Variants in C4orf51 observed in about 807,000 individuals in gnomAD.
C4orf51 encodes the protein uncharacterized protein C4orf51.
In C4orf51, 25 loss-of-function variants were observed where a neutral mutation model predicts 25.2. The ratio of observed to expected loss-of-function variants is 0.99; its 90% CI spans 0.72 to 1.39. The LOEUF (loss-of-function observed/expected upper bound fraction) is 1.39, where lower values mean the gene tolerates loss of function less well. Among genes scored for constraint, C4orf51 ranks in the 40% most tolerant of loss-of-function variants. The probability of loss-of-function intolerance (pLI) is 0.00; values close to 1 mark genes in which losing one functional copy is unlikely to be tolerated. For missense variants in C4orf51, 252 were observed against 239.6 expected, an observed-to-expected ratio of 1.05 and a Z score of -0.34; for synonymous variants, 100 against 84.5, an observed-to-expected ratio of 1.18 and a Z score of -1.01.
chr4:145,699,579 C>T (rs1212576952), intron 2 of C4orf51, among the ~76,000 whole-genome samples: 1 of 152,162 alleles, frequency 6.6e-6, no homozygotes, highest in African/African-American at 2.4e-5. Flanking sequence ...TATCCGTGGA[C>T]CCAAAACTCT....
intron 1 of C4orf51, among the ~76,000 whole-genome samples, chr4:145,694,709 G>A (rs1011998977): frequency 6.8e-5 from 10 of 146,134 alleles, no homozygotes; most frequent in Admixed American, 3.4e-4. Context: ...GCCTCTGCCC[G>A]GCCGCCCCTA....
chr4:145,771,617 A>G (rs1317971931), downstream of C4orf51, among the ~76,000 whole-genome samples: 1 of 152,248 alleles, frequency 6.6e-6, no homozygotes, highest in African/African-American at 2.4e-5. Context: ...AAAGAAGGTG[A>G]GGAGGGATCA....
downstream of C4orf51, among the ~76,000 whole-genome samples, chr4:145,736,039 C>T (rs1010564032): frequency 2.0e-5 from 3 of 152,004 alleles, no homozygotes; most frequent in African/African-American, 7.3e-5. Flanking sequence ...AGGCCCTCTC[C>T]TCCCCTAACC....
chr4:145,686,397 G>C (rs749652679), intron 1 of C4orf51, among the ~76,000 whole-genome samples: 1 of 152,074 alleles, frequency 6.6e-6, no homozygotes, highest in Non-Finnish European at 1.5e-5. Flanking sequence ...TAACTAAAAT[G>C]ATAAATTTTC....
chr4:145,717,511 G>C (rs377677332), intron 2 of C4orf51, among the ~76,000 whole-genome samples: 9 of 152,098 alleles, frequency 5.9e-5, no homozygotes, highest in African/African-American at 1.9e-4. Flanking sequence ...GTCAAATTTT[G>C]GACTATCAAC....
chr4:145,750,607 C>T (rs1213983104), intron 1 of C4orf51, among the ~76,000 whole-genome samples: 1 of 151,920 alleles, frequency 6.6e-6, no homozygotes, highest in Non-Finnish European at 1.5e-5. Flanking sequence ...TTTTTAAATG[C>T]GTTGAGGTAG....
In C4orf51 at chr4:145,718,838, C is replaced by T. The variant is rs571559845; in HGVS notation, c.308-8073C>T. The stretch of plus-strand genomic sequence containing the variant: ...TATTTCCCACCTCAGGACCTTTACA[C>T]GTGCTGTAATCTTTGCTGGAACACA... On this transcript the variant is annotated intron_variant, in intron 2 of 5. Transcript: ENST00000438731. 3.3e-5 allele frequency among the ~76,000 whole-genome samples: 5 copies of T among 152,208 alleles called. No individual in the cohort carries two copies. The East Asian group carries it at 7.7e-4, about 23-fold the overall frequency.
At chr4:145,781,228 G>GAAAAAAAAAAAAAAAAAAAA in the C4orf51 span, among the ~76,000 whole-genome samples, 1 of 99,684 alleles carries the variant, frequency 1.0e-5, no homozygotes, top group African/African-American at 3.7e-5. Flanking sequence ...GAAAAAAAAA[G>GAAAAAAAAAAAAAAAAAAAA]AAAAAAAAAA....
Position 145,765,370 on chromosome 4 carries a change from C to T in C4orf51, n.167-5618C>T, listed in dbSNP as rs988822503. 6.6e-6 allele frequency among the ~76,000 whole-genome samples: 1 copy of T among 152,194 alleles called. No homozygotes were observed. Among genetic ancestry groups the T allele is most frequent in the African/African-American group, 2.4e-5 (1 of 41,432 alleles). ...CAATGTCACCCTCCCCATCCTTCCA[C>T]CCCATACTCGGATTCAAATTAAGCC... On this transcript the variant is annotated intron_variant and non_coding_transcript_variant, in intron 1 of 1. Coordinates refer to the C4orf51 transcript ENST00000510096. This position sits in a 1 kb window ranked among gnomAD's most constrained non-coding sequence, Gnocchi z 4.7.
At chr4:145,788,603 C>T in the C4orf51 span, among the ~76,000 whole-genome samples, 1 of 152,134 alleles carries the variant, frequency 6.6e-6, no homozygotes, top group Non-Finnish European at 1.5e-5. Flanking sequence ...AATCACATCA[C>T]CAAGATCAGG....
chr4:145,716,989 G>A (rs1731452667), intron 2 of C4orf51, among the ~76,000 whole-genome samples: 1 of 152,232 alleles, frequency 6.6e-6, no homozygotes, highest in South Asian at 2.1e-4. Context: ...GTCTGAGCCT[G>A]TGTTTGGGAA....
chr4:145,745,894 T>C (rs1733346267), intron 1 of C4orf51, among the ~76,000 whole-genome samples: 1 of 152,208 alleles, frequency 6.6e-6, no homozygotes, highest in African/African-American at 2.4e-5. Context: ...TGTTGTTGCC[T>C]GTCTTTTGGA....
chr4:145,775,647 T>G (rs1468708447), downstream of C4orf51: 5 of 1,053,030 alleles, frequency 4.7e-6, no homozygotes, highest in Non-Finnish European at 5.5e-6. Flanking sequence ...GGGCTCAATC[T>G]GAGCAAAGAA....
intron 1 of C4orf51, among the ~76,000 whole-genome samples, chr4:145,752,161 C>T (rs111297210): frequency 0.017 from 2,516 of 152,254 alleles, 62 homozygotes; most frequent in African/African-American, 0.057. Flanking sequence ...CAAGCTGGTA[C>T]CTAAGGTTCA....
downstream of C4orf51, among the ~76,000 whole-genome samples, chr4:145,733,937 C>G (rs1316392938): frequency 6.6e-6 from 1 of 152,162 alleles, no homozygotes; most frequent in African/African-American, 2.4e-5. Context: ...AATTTCTTGG[C>G]TTTTCCTAGT....
intron 3 of C4orf51, among the ~76,000 whole-genome samples, chr4:145,727,931 TTA>T (rs1229100190): frequency 1.1e-4 from 10 of 89,220 alleles, no homozygotes; most frequent in African/African-American, 4.7e-4. Flanking sequence ...ATAAAATATA[TTA>T]TATATATACA....
intron 2 of C4orf51, among the ~76,000 whole-genome samples, chr4:145,704,487 C>T (rs1730670710): frequency 6.6e-6 from 1 of 152,140 alleles, no homozygotes. Flanking sequence ...ACTATTCTTT[C>T]CCTATTGTGT....
At chr4:145,734,539 TCTGTC>T (rs1481218361), downstream of C4orf51, among the ~76,000 whole-genome samples, 1 of 152,196 alleles carries the variant, frequency 6.6e-6, no homozygotes, top group Non-Finnish European at 1.5e-5. Flanking sequence ...CAGTCCCATC[TCTGTC>T]CTGCTCTGTG....
intron 1 of C4orf51, among the ~76,000 whole-genome samples, chr4:145,684,264 T>C (rs1245921396): frequency 6.6e-6 from 1 of 151,988 alleles, no homozygotes; most frequent in Non-Finnish European, 1.5e-5. Context: ...AGGCAGATCA[T>C]GAGGTCAGGA....
Sources: allele counts gnomAD v4.1 joint callset (sites outside exome capture counted in the v4.1 genomes callset), GRCh38; gene constraint gnomAD v4.1.1; non-coding constraint Gnocchi (gnomAD v3.1); transcripts MANE v1.5; gene names NCBI Gene and HGNC (gene_info 2026-07-23, HGNC 2026-07-21).